The following SAP130 variants were observed in gnomAD, a reference collection of about 807,000 sequenced individuals.
SAP130 encodes the protein histone deacetylase complex subunit SAP130.
A neutral mutation model predicts 103.2 loss-of-function variants in SAP130; 16 were observed. The ratio of observed to expected loss-of-function variants is 0.16; its 90% CI spans 0.10 to 0.24. The LOEUF (loss-of-function observed/expected upper bound fraction) is 0.24. Among genes scored for constraint, SAP130 ranks in the 10% least tolerant of loss-of-function variants. The pLI is 1.00. For synonymous variants in SAP130, 477 were observed against 497.0 expected (o/e 0.96, Z 0.53); for missense variants, 990 against 1,359.7 (o/e 0.73, Z 4.28).
At chr2:128,027,297 C>T (rs1294953054) in intron 1 of SAP130, 2 of 1,161,368 alleles carry the variant, frequency 1.7e-6, no homozygotes, top group Non-Finnish European at 2.1e-6. Flanking sequence ...AGTCCTCTTC[C>T]CCCGAACCTG....
intron 12 of SAP130, among the ~76,000 whole-genome samples, chr2:127,992,285 C>CTTTT (rs747417050): frequency 8.1e-6 from 1 of 123,554 alleles, no homozygotes; most frequent in African/African-American, 3.0e-5. Context: ...GGCAATAAGG[C>CTTTT]TTTTTTTTTT....
intron 3 of SAP130, 91 bp from the exon 4 acceptor site, chr2:128,016,638 GA>G: frequency 7.2e-7 from 1 of 1,397,042 alleles, no homozygotes; most frequent in Non-Finnish European, 9.7e-7. Flanking sequence ...ATCGAACCTG[GA>G]AAGTGCCAGG....
At chr2:127,978,409 A>G (rs1306617631) in intron 14 of SAP130, among the ~76,000 whole-genome samples, 5 of 152,194 alleles carry the variant, frequency 3.3e-5, no homozygotes, top group Admixed American at 3.3e-4. Context: ...CTTTCTACTT[A>G]ATGTTATTAA....
At chr2:128,021,100 T>TCC (rs1685121269) in intron 2 of SAP130, among the ~76,000 whole-genome samples, 1 of 152,138 alleles carries the variant, frequency 6.6e-6, no homozygotes, top group Non-Finnish European at 1.5e-5. Context: ...TTATCAACAA[T>TCC]CTTGTCCAAT....
intron 14 of SAP130, among the ~76,000 whole-genome samples, chr2:127,984,372 A>G (rs1009961779): frequency 2.0e-5 from 3 of 152,180 alleles, no homozygotes; most frequent in Admixed American, 2.0e-4. Context: ...TGCTTTGGGC[A>G]TGTATTTATT....
intron 14 of SAP130, among the ~76,000 whole-genome samples, chr2:127,982,116 G>A (rs1000257930): frequency 6.6e-6 from 1 of 151,298 alleles, no homozygotes; most frequent in Non-Finnish European, 1.5e-5. Context: ...AAAAAAAGAC[G>A]GACAGAAGAA....
At chr2:128,015,940 CAAAAAA>C (rs58340147) in intron 4 of SAP130, among the ~76,000 whole-genome samples, 1 of 97,528 alleles carries the variant, frequency 1.0e-5, no homozygotes, top group South Asian at 3.5e-4. Context: ...GATTCTGTCT[CAAAAAA>C]AAAAAAAAAA....
intron 19 of SAP130, among the ~76,000 whole-genome samples, chr2:127,944,610 A>C (rs1407761420): frequency 6.6e-6 from 1 of 152,008 alleles, no homozygotes; most frequent in South Asian, 2.1e-4. Context: ...TTGTATTTTT[A>C]GTAGAGACAG....
At chr2:128,012,268 G>C (rs537292740) in intron 6 of SAP130, among the ~76,000 whole-genome samples, 3 of 152,134 alleles carry the variant, frequency 2.0e-5, no homozygotes. Context: ...TCAGGAGTTC[G>C]AGACCAGCCT....
intron 15 of SAP130, among the ~76,000 whole-genome samples, chr2:127,959,457 C>T (rs913579959): frequency 3.9e-5 from 6 of 152,188 alleles, no homozygotes; most frequent in Non-Finnish European, 8.8e-5. Flanking sequence ...AATGAGAGAC[C>T]TCAATCTCCT....
At chr2:127,956,443 T>G (rs1679844576) in intron 15 of SAP130, among the ~76,000 whole-genome samples, 1 of 151,924 alleles carries the variant, frequency 6.6e-6, no homozygotes, top group African/African-American at 2.4e-5. Context: ...GGCTTGCATT[T>G]GGCGTTGAAA....
Position 128,000,047 on chromosome 2 carries a change from T to C in SAP130, c.1108+9A>G. 1.2e-6 allele frequency: 2 copies of C among 1,613,500 alleles called. No homozygotes were observed. Among genetic ancestry groups the C allele is most frequent in the South Asian group, 2.2e-5 (2 of 91,074 alleles). ...CCCAGTAGAAGGAAGAGGAGGGTCG[T>C]GGACTTACCAGCTGTGGTCGCTGAA... On this transcript the variant is annotated intron_variant, in intron 9 of 20. Coordinates refer to ENST00000643581, the MANE Select transcript of SAP130 (RefSeq NM_001330301.2).
chr2:128,000,556 C>T lies in SAP130; in HGVS notation c.870-102G>A, dbSNP rs964181894. On this transcript the variant is annotated intron_variant, in intron 7 of 20. Transcript: ENST00000643581. ...TACTTTTTCATAGGTCTATGAAGTT[C>T]GGAGTTAAACCAATACTTGGTCTTT... The T allele has an allele frequency of 3.2e-5, 42 of 1,324,034 alleles. No homozygotes were observed. The East Asian group carries it at 3.4e-4, about 11-fold the overall frequency. The allele number at this position is 1,324,034 out of a possible 1,614,324, so 82.0% of individuals were successfully genotyped here. A position where few individuals can be genotyped will look rare whatever the true frequency, so the allele number is the denominator to read the frequency against.
rs549397386 is a variant in SAP130 at position 127,986,380 on chromosome 2, C to T, written c.1958+405G>A. 1.3e-5 allele frequency among the ~76,000 whole-genome samples: 2 copies of T among 152,156 alleles called. No individual in the cohort carries two copies. The highest frequency in any genetic ancestry group is 6.5e-5 in the Admixed American group (1 of 15,282). ...GCCACTCCCACTGTTGCACGCCCTGCGAGGGGGACAAGGGAACTTTTCCCG... is the reference window on the plus strand; with the variant it reads ...GCCACTCCCACTGTTGCACGCCCTGTGAGGGGGACAAGGGAACTTTTCCCG... On this transcript the variant is annotated intron_variant, in intron 14 of 20. Transcript: ENST00000643581. The surrounding 1 kb of genome is among the most constrained non-coding windows in gnomAD (Gnocchi z 4.7).
chr2:127,988,725 C>T (rs1682573732), intron 13 of SAP130, among the ~76,000 whole-genome samples: 1 of 151,972 alleles, frequency 6.6e-6, no homozygotes, highest in Non-Finnish European at 1.5e-5. Flanking sequence ...TAGCTTGCAC[C>T]TATAGTCCCA....
chr2:127,998,053 A>AG (rs1455607389), intron 10 of SAP130, among the ~76,000 whole-genome samples: 2 of 151,666 alleles, frequency 1.3e-5, no homozygotes. Flanking sequence ...GATTGCAGTG[A>AG]GCTGAGAGCA....
chr2:128,000,002 T>C (rs1228716202), intron 9 of SAP130, 54 bp downstream of exon 9: 6 of 1,551,456 alleles, frequency 3.9e-6, no homozygotes, highest in Non-Finnish European at 5.3e-6. Context: ...AATTAACCCA[T>C]CACTCTTGCC....
rs924185343 is a variant in SAP130 at position 128,017,561 on chromosome 2, T to C, written c.348+119A>G. The C allele has an allele frequency of 1.8e-5, 16 of 871,046 alleles. No homozygotes were observed. The African/African-American group carries it at 1.8e-4, about 10-fold the overall frequency. 54.0% of individuals were successfully genotyped at this position (871,046 alleles called of 1,614,324 possible). A position where few individuals can be genotyped will look rare whatever the true frequency, so the allele number is the denominator to read the frequency against. On this transcript the variant is annotated intron_variant, in intron 3 of 20. Coordinates refer to ENST00000643581, the MANE Select transcript of SAP130 (RefSeq NM_001330301.2). ...TACAGAAAGGAGCTGAACTCATATG[T>C]CATAAAGAAAAAATGAAATGTGATC...
At chr2:127,968,823 T>G (rs924918064) in intron 15 of SAP130, among the ~76,000 whole-genome samples, 7 of 152,134 alleles carry the variant, frequency 4.6e-5, no homozygotes, top group African/African-American at 1.4e-4. Flanking sequence ...GACAAGCACT[T>G]TCAAGTTCTG....
Sources: gnomAD v4.1 joint callset for allele counts (sites outside exome capture counted in the v4.1 genomes callset) on GRCh38, gnomAD v4.1.1 for gene constraint, Gnocchi (gnomAD v3.1) non-coding constraint, MANE v1.5 for transcripts, NCBI Gene and HGNC (gene_info 2026-07-23, HGNC 2026-07-21) for gene names.